CWH43: variants seen among roughly 807,000 people sequenced by gnomAD.
CWH43 encodes the protein PGAP2-interacting protein.
In CWH43, 91 loss-of-function variants were observed where a neutral mutation model predicts 85.7. The ratio of observed to expected loss-of-function variants is 1.06; its 90% CI spans 0.90 to 1.26. The LOEUF (loss-of-function observed/expected upper bound fraction) is 1.26. CWH43 is among the 50% of genes most tolerant of loss of function. The probability of loss-of-function intolerance (pLI) is 0.00; values close to 1 mark genes in which losing one functional copy is unlikely to be tolerated. For missense variants in CWH43, 869 were observed against 839.2 expected, an observed-to-expected ratio of 1.04 and a Z score of -0.44; for synonymous variants, 323 against 293.6, an observed-to-expected ratio of 1.10 and a Z score of -1.02.
At chr4:49,015,489 T>C (rs955514667) in intron 8 of CWH43, among the ~76,000 whole-genome samples, 2 of 152,182 alleles carry the variant, frequency 1.3e-5, no homozygotes, top group Non-Finnish European at 2.9e-5. Flanking sequence ...TGTGTTTTGG[T>C]GTTCCGTAGT....
rs754028076 is a variant in CWH43 at position 49,044,815 on chromosome 4, G to A, written c.1833G>A (p.Trp611Ter). ...TCGACAGCACTGATCATGACAGATG[G>A]TGTGAATACATTATGTATCGAGGGC... The part of the protein sequence containing the change: ...KDIDSTDHDR[W>*]CEYIMYRGLI... Residue 611 changes from tryptophan (W) to a stop codon, truncating the protein, a stop_gained, in exon 14 of 16, where the codon TGG becomes TGA. Coordinates refer to ENST00000226432, the MANE Select transcript of CWH43 (RefSeq NM_025087.3). LOFTEE classifies it high-confidence loss of function. 2.5e-5 allele frequency: 40 copies of A among 1,613,308 alleles called. No individual in the cohort carries two copies. The highest frequency in any genetic ancestry group is 3.3e-5 in the Non-Finnish European group (39 of 1,179,502).
intron 1 of CWH43, among the ~76,000 whole-genome samples, chr4:48,987,238 G>T (rs959652247): frequency 2.1e-4 from 32 of 151,966 alleles, no homozygotes; most frequent in African/African-American, 7.5e-4. Context: ...TTTTTTTCTG[G>T]CTCAGCCTGT....
At chr4:49,054,831 T>G (rs182705113) in intron 15 of CWH43, among the ~76,000 whole-genome samples, 2 of 152,246 alleles carry the variant, frequency 1.3e-5, no homozygotes, top group East Asian at 3.9e-4. Flanking sequence ...ATGCTACTGA[T>G]TTTTGTATGC....
intron 14 of CWH43, among the ~76,000 whole-genome samples, chr4:49,048,361 G>GTA (rs202182654): frequency 0.022 from 3,226 of 149,614 alleles, 58 homozygotes; most frequent in Non-Finnish European, 0.034. Context: ...TATACACTCT[G>GTA]TATATATATA....
intron 2 of CWH43, among the ~76,000 whole-genome samples, chr4:48,990,756 A>T (rs142719825): frequency 3.3e-5 from 5 of 152,340 alleles, no homozygotes; most frequent in African/African-American, 9.6e-5. Flanking sequence ...TTATCATATG[A>T]TCTAACAACT....
In CWH43 at chr4:48,991,994, TG is replaced by T; in HGVS notation, c.417del (p.Trp139CysfsTer5). 6.2e-7 allele frequency: 1 copy of T among 1,613,848 alleles called. No homozygotes were observed. Among genetic ancestry groups the T allele is most frequent in the South Asian group, 1.1e-5 (1 of 91,066 alleles). ...GATTGTTCTTGTTGTTCTACGCATA[TG>T]GTATACTTCACTAAACCCAATCTGG... Reference protein sequence around the residue: ...GQIVLVVLRIWYTSLNPIWSY... With the variant: ...GQIVLVVLRIXYTSLNPIWSY... On this transcript the variant is annotated frameshift_variant, in exon 4 of 16. Transcript: ENST00000226432. LOFTEE classifies it high-confidence loss of function.
chr4:49,059,898 G>T, intron 15 of CWH43, among the ~76,000 whole-genome samples: 1 of 152,118 alleles, frequency 6.6e-6, no homozygotes, highest in African/African-American at 2.4e-5. Flanking sequence ...CCCTGGTGCT[G>T]GAATGAACCT....
chr4:49,061,696 C>A (rs902622567), intron 15 of CWH43, 116 bp from the exon 16 acceptor site: 55 of 946,170 alleles, frequency 5.8e-5, no homozygotes, highest in Non-Finnish European at 7.0e-5. Flanking sequence ...ATGCATGAAT[C>A]TTTTTTATTT....
Position 48,986,490 on chromosome 4 carries a change from G to A in CWH43, c.43+18G>A. 6.4e-7 allele frequency: 1 copy of A among 1,552,216 alleles called. No homozygotes were observed. The highest frequency in any genetic ancestry group is 8.7e-7 in the Non-Finnish European group (1 of 1,147,498). On this transcript the variant is annotated intron_variant, in intron 1 of 15. Transcript: ENST00000226432. ...GCTGCTGGGTAAGCCGAAGCCCCTC[G>A]CCGCGAGTTCGCGGGTGCCAGCTCC... is the stretch of plus-strand genomic sequence containing the variant.
chr4:49,054,178 T>C (rs1239732370), intron 15 of CWH43, among the ~76,000 whole-genome samples: 1 of 152,138 alleles, frequency 6.6e-6, no homozygotes, highest in Non-Finnish European at 1.5e-5. Flanking sequence ...TGAGTTGATT[T>C]TTGTATATGG....
At chr4:48,997,310 C>T (rs1378722) in intron 5 of CWH43, among the ~76,000 whole-genome samples, 1 of 151,630 alleles carries the variant, frequency 6.6e-6, no homozygotes, top group African/African-American at 2.4e-5. Context: ...CCTCCCACCT[C>T]TGCCTCCCAA....
At chr4:48,996,088 G>C (rs749283777) in intron 5 of CWH43, among the ~76,000 whole-genome samples, 1 of 151,704 alleles carries the variant, frequency 6.6e-6, no homozygotes, top group Non-Finnish European at 1.5e-5. Context: ...ACCCACTTGC[G>C]CTTCTCTGGA....
chr4:49,029,448 C>T (rs2109803448), intron 10 of CWH43, among the ~76,000 whole-genome samples: 1 of 152,278 alleles, frequency 6.6e-6, no homozygotes, highest in Middle Eastern at 3.4e-3. Flanking sequence ...CCAAGGTTTC[C>T]CCCCACTGAG....
chr4:49,020,212 A>G (rs1394888398), intron 9 of CWH43, among the ~76,000 whole-genome samples: 2 of 152,030 alleles, frequency 1.3e-5, no homozygotes, highest in African/African-American at 4.8e-5. Flanking sequence ...TCATTGTATC[A>G]TTCTTACACC....
At chr4:49,019,643 G>A (rs1044675912) in intron 9 of CWH43, among the ~76,000 whole-genome samples, 3 of 151,980 alleles carry the variant, frequency 2.0e-5, no homozygotes, top group African/African-American at 7.3e-5. Context: ...GCAGTGGCAT[G>A]ATCTCGTTTC....
intron 8 of CWH43, among the ~76,000 whole-genome samples, chr4:49,008,133 G>A (rs1022733783): frequency 3.3e-5 from 5 of 152,176 alleles, no homozygotes; most frequent in African/African-American, 1.2e-4. Context: ...TCCAGCATCT[G>A]TTGTTTCCTG....
At chr4:49,013,369 G>C (rs1478506979) in intron 8 of CWH43, among the ~76,000 whole-genome samples, 3 of 152,250 alleles carry the variant, frequency 2.0e-5, no homozygotes, top group Non-Finnish European at 4.4e-5. Context: ...TTTGGCGGGA[G>C]TGTCCTGTTT....
intron 14 of CWH43, among the ~76,000 whole-genome samples, chr4:49,049,544 C>T (rs1358106080): frequency 2.0e-5 from 3 of 151,784 alleles, no homozygotes; most frequent in Non-Finnish European, 4.4e-5. Flanking sequence ...GCAACAACAA[C>T]AACAACAGCA....
At chr4:49,028,153 T>A (rs1160374288) in intron 9 of CWH43, among the ~76,000 whole-genome samples, 1 of 152,220 alleles carries the variant, frequency 6.6e-6, no homozygotes, top group East Asian at 1.9e-4. Flanking sequence ...GACAGATCCC[T>A]AGACAATATT....
Sources: allele counts gnomAD v4.1 joint callset (sites outside exome capture counted in the v4.1 genomes callset), GRCh38; gene constraint gnomAD v4.1.1; transcripts MANE v1.5; gene names NCBI Gene and HGNC (gene_info 2026-07-23, HGNC 2026-07-21).